B4GALNT3: variants seen among roughly 807,000 people sequenced by gnomAD.
B4GALNT3 encodes the protein beta-1,4-N-acetylgalactosaminyltransferase 3.
A neutral mutation model predicts 120.2 loss-of-function variants in B4GALNT3; 86 were observed. The observed-to-expected ratio is 0.72, with a 90% CI of 0.60 to 0.86. The LOEUF (loss-of-function observed/expected upper bound fraction) is 0.86, where lower values mean the gene tolerates loss of function less well. B4GALNT3 is among the 40% of genes least tolerant of loss of function. B4GALNT3 has a pLI of 0.00. For synonymous variants in B4GALNT3, 518 were observed against 510.4 expected (o/e 1.01, Z -0.20); for missense variants, 1,167 against 1,298.9 (o/e 0.90, Z 1.56).
intron 14 of B4GALNT3, among the ~76,000 whole-genome samples, chr12:554,607 G>C (rs2887442): frequency 5.2e-5 from 1 of 19,152 alleles, no homozygotes. Context: ...TGGCTAACAC[G>C]GTGAAACCCC....
chr12:560,531 C>T (rs1418789787), intron 19 of B4GALNT3, among the ~76,000 whole-genome samples: 10 of 151,998 alleles, frequency 6.6e-5, no homozygotes, highest in South Asian at 2.1e-4. Context: ...TGTTTTTTCC[C>T]GTTGAGGGAA....
chr12:462,426 C>T (rs993326354), intron 1 of B4GALNT3, among the ~76,000 whole-genome samples: 17 of 150,134 alleles, frequency 1.1e-4, no homozygotes, highest in African/African-American at 4.2e-4. Context: ...GACACTCTGG[C>T]CCTCGACCTC....
intron 1 of B4GALNT3, among the ~76,000 whole-genome samples, chr12:498,009 A>G (rs1592023615): frequency 2.0e-5 from 3 of 150,692 alleles, no homozygotes; most frequent in South Asian, 4.2e-4. Flanking sequence ...TTCCAAACCC[A>G]CCCCTGATTT....
At chr12:511,327 C>T (rs1431882971) in intron 1 of B4GALNT3, among the ~76,000 whole-genome samples, 6 of 44,890 alleles carry the variant, frequency 1.3e-4, no homozygotes, top group South Asian at 9.1e-4. Context: ...TTCTGCCTTC[C>T]ACCTTCCACC....
Position 557,771 on chromosome 12 carries a change from A to G in B4GALNT3, c.2534+10A>G. On this transcript the variant is annotated intron_variant, in intron 16 of 19. Transcript: ENST00000266383. ...GGTCCAAGCTGCGGAGGTGAGGGGG[A>G]CCACCAGCCAGGGGGTGGCATGGGC... 6.3e-7 allele frequency: 1 copy of G among 1,596,266 alleles called. No homozygotes were observed.
chr12:552,579 G>T, intron 13 of B4GALNT3, 51 bp downstream of exon 13: 1 of 1,571,270 alleles, frequency 6.4e-7, no homozygotes, highest in South Asian at 1.1e-5. Context: ...GGGCGACCAT[G>T]GTCTGTTTCC....
At chr12:536,100 A>G (rs1384115529) in intron 2 of B4GALNT3, 118 bp from the exon 3 acceptor site, 1 of 746,794 alleles carries the variant, frequency 1.3e-6, no homozygotes, top group African/African-American at 1.7e-5. Flanking sequence ...GGTGTGAATG[A>G]CAGACGGCAG....
chr12:555,367 C>T, intron 14 of B4GALNT3: 1 of 456,882 alleles, frequency 2.2e-6, no homozygotes, highest in Non-Finnish European at 4.4e-6. Flanking sequence ...GGGCTTTTTG[C>T]AGAATATTCA....
chr12:482,931 A>G (rs940221878), intron 1 of B4GALNT3, among the ~76,000 whole-genome samples: 5 of 152,172 alleles, frequency 3.3e-5, no homozygotes, highest in African/African-American at 7.2e-5. Flanking sequence ...TTCTGGAGAC[A>G]GGATCTCACT....
chr12:460,874 C>T lies in B4GALNT3; in HGVS notation c.169+329C>T, dbSNP rs952457753. 1.2e-4 allele frequency among the ~76,000 whole-genome samples: 18 copies of T among 152,156 alleles called. No individual in the cohort carries two copies. Among genetic ancestry groups the T allele is most frequent in the Admixed American group, 2.0e-4 (3 of 15,282 alleles). On this transcript the variant is annotated intron_variant, in intron 1 of 19. Coordinates refer to ENST00000266383, the MANE Select transcript of B4GALNT3 (RefSeq NM_173593.4). This position sits in a 1 kb window ranked among gnomAD's most constrained non-coding sequence, Gnocchi z 8.0. ...AGACGCTGGCGGAGACCGGGCCCCT[C>T]CAGCCGCTCCGGGCTTGCGGTTCCC...
At chr12:543,073 TC>T (rs1424649799) in intron 3 of B4GALNT3, 27 of 1,269,410 alleles carry the variant, frequency 2.1e-5, no homozygotes, top group Non-Finnish European at 2.1e-5. Context: ...ACAACCATTG[TC>T]CCCGTTGCCT....
At chr12:551,165 G>C in intron 11 of B4GALNT3, 134 bp downstream of exon 11, 1 of 768,498 alleles carries the variant, frequency 1.3e-6, no homozygotes, top group Non-Finnish European at 2.1e-6. Flanking sequence ...GTCCTCACAG[G>C]TCCCTGGGCT....
chr12:556,023 T>TCTGC (rs1947151904), intron 14 of B4GALNT3, among the ~76,000 whole-genome samples: 4 of 152,130 alleles, frequency 2.6e-5, no homozygotes, highest in South Asian at 2.1e-4. Flanking sequence ...GACCTTGTGA[T>TCTGC]CCACCTGCCT....
chr12:530,914 G>C (rs1946800470), intron 1 of B4GALNT3, among the ~76,000 whole-genome samples: 2 of 152,142 alleles, frequency 1.3e-5, no homozygotes, highest in South Asian at 4.2e-4. Flanking sequence ...CCACGGTGGT[G>C]CTTTATCTGT....
intron 7 of B4GALNT3, 78 bp from the exon 8 acceptor site, chr12:547,946 T>C: frequency 8.1e-7 from 1 of 1,239,864 alleles, no homozygotes; most frequent in Non-Finnish European, 1.2e-6. Context: ...TGTAAGGTGC[T>C]GGAAGGGGGT....
chr12:544,911 G>C lies in B4GALNT3; in HGVS notation c.477G>C (p.Val159=). 1 of 1,613,916 alleles carries C rather than the reference G, an allele frequency of 6.2e-7. No individual in the cohort carries two copies. Among genetic ancestry groups the C allele is most frequent in the Non-Finnish European group, 8.5e-7 (1 of 1,179,960 alleles). The change falls in exon 5 of 20, where the codon GTG becomes GTC. Residue 159 remains valine, a synonymous_variant. Transcript: ENST00000266383. The part of the protein sequence containing the change: ...HIRTTLRKLA[V]SPKWTNYGLR... ...GCACAACCCTGAGGAAGCTTGCTGT[G>C]TCCCCCAAATGGACCAACTATGGCC...
At chr12:538,560 C>CAAAAAAAA (rs771053015) in intron 3 of B4GALNT3, among the ~76,000 whole-genome samples, 5 of 64,070 alleles carry the variant, frequency 7.8e-5, no homozygotes, top group African/African-American at 1.1e-4. Context: ...AACCCCATCT[C>CAAAAAAAA]AAAAAAAAAA....
chr12:534,369 G>GTGTC lies in B4GALNT3; in HGVS notation c.170-796_170-793dup, dbSNP rs533051676. Among the ~76,000 whole-genome samples, 384 of 152,264 alleles carry GTGTC rather than the reference G, an allele frequency of 2.5e-3. 3 individuals are homozygous for GTGTC. The highest frequency in any genetic ancestry group is 8.7e-3 in the African/African-American group (363 of 41,532). ...GAGATGGGAGTCCCAGCCCTCGGGAGTGTCAGCAGTGGCCGGCCGCCGGAC... is the reference window on the plus strand; with the variant it reads ...GAGATGGGAGTCCCAGCCCTCGGGAGTGTCTGTCAGCAGTGGCCGGCCGCCGGAC... On this transcript the variant is annotated intron_variant, in intron 1 of 19. Coordinates refer to ENST00000266383, the MANE Select transcript of B4GALNT3 (RefSeq NM_173593.4).
In B4GALNT3 at chr12:553,812, C is replaced by T. The variant is rs373238426; in HGVS notation, c.1889C>T (p.Pro630Leu). 36 of 1,614,088 alleles carry T rather than the reference C, an allele frequency of 2.2e-5. No homozygotes were observed. Among genetic ancestry groups the T allele is most frequent in the South Asian group, 4.4e-5 (4 of 91,088 alleles). Reference protein sequence around the residue: ...EVFEYVPVFDPVVNWDQTFSA... With the variant: ...EVFEYVPVFDLVVNWDQTFSA... ...TTCGAGTACGTACCTGTGTTTGACC[C>T]GGTAGTAAACTGGGACCAGACCTTC... is the stretch of plus-strand genomic sequence containing the variant. The change falls in exon 14 of 20, where the codon CCG becomes CTG. Residue 630 changes from proline to leucine, a missense_variant. Coordinates refer to ENST00000266383, the MANE Select transcript of B4GALNT3 (RefSeq NM_173593.4).
Sources: allele counts gnomAD v4.1 joint callset (sites outside exome capture counted in the v4.1 genomes callset), GRCh38; gene constraint gnomAD v4.1.1; non-coding constraint Gnocchi (gnomAD v3.1); transcripts MANE v1.5; gene names NCBI Gene and HGNC (gene_info 2026-07-23, HGNC 2026-07-21).